Variants in NCKAP5 observed in about 807,000 individuals in gnomAD.
The protein encoded by NCKAP5 is nck-associated protein 5.
A neutral mutation model predicts 167.0 loss-of-function variants in NCKAP5; 92 were observed. That is an observed-to-expected ratio of 0.55 (90% CI 0.47 to 0.66). NCKAP5 has a LOEUF of 0.66. Ranked by LOEUF, NCKAP5 falls within the 30% of genes least tolerant of loss-of-function variation. The pLI is 0.00. For missense variants in NCKAP5, 2,378 were observed against 2,315.0 expected (o/e 1.03, Z -0.56); for synonymous variants, 891 against 877.4 (o/e 1.02, Z -0.27).
rs773722727 is a variant in NCKAP5 at position 132,785,372 on chromosome 2, T to C, written c.1439A>G (p.Asp480Gly). ...GAGCAATGCTAAGGTGGAAGGGTCA[T>C]CGTCCGCATCAACGTGGGAATCTAG... ...YDLDSHVDAD[D>G]DPSTLALLQA... is the part of the protein sequence containing the mutation. The change falls in exon 14 of 20, where the codon GAT becomes GGT. Residue 480 changes from aspartate to glycine, a missense_variant. Physicochemically the swap from Asp to Gly is moderately conservative, Grantham distance 94. This residue lies in a region of NCKAP5 where 1,049 missense variants were observed against 1,023.4 expected (regional missense o/e 1.02). Transcript: ENST00000409261. 2.5e-6 allele frequency: 4 copies of C among 1,614,026 alleles called. No homozygotes were observed. The highest frequency in any genetic ancestry group is 3.4e-6 in the Non-Finnish European group (4 of 1,179,904).
chr2:133,483,317 T>G (rs981731990), intron 3 of NCKAP5, among the ~76,000 whole-genome samples: 1 of 152,208 alleles, frequency 6.6e-6, no homozygotes, highest in Non-Finnish European at 1.5e-5. Context: ...GATGTGCAAG[T>G]CTATCTCACA....
chr2:133,479,840 G>C (rs1680264562), intron 3 of NCKAP5, among the ~76,000 whole-genome samples: 1 of 152,020 alleles, frequency 6.6e-6, no homozygotes, highest in African/African-American at 2.4e-5. Context: ...ATTAGAAAAA[G>C]ATATAAACTG....
chr2:132,977,949 A>T (rs979005729), intron 7 of NCKAP5, among the ~76,000 whole-genome samples: 4 of 152,202 alleles, frequency 2.6e-5, no homozygotes, highest in African/African-American at 9.6e-5. Context: ...TCTTTGTCAC[A>T]TAGTGGGATG....
intron 6 of NCKAP5, among the ~76,000 whole-genome samples, chr2:133,090,098 G>A (rs771518646): frequency 2.3e-4 from 35 of 151,922 alleles, no homozygotes; most frequent in African/African-American, 5.6e-4. Flanking sequence ...CCAGGTATGT[G>A]TCTCATGCCT....
At chr2:133,149,731 G>A (rs970950574) in intron 5 of NCKAP5, among the ~76,000 whole-genome samples, 1 of 151,978 alleles carries the variant, frequency 6.6e-6, no homozygotes, top group African/African-American at 2.4e-5. Flanking sequence ...CACTCAATAG[G>A]TATTGCCATT....
chr2:133,348,166 G>A (rs1046687049), intron 3 of NCKAP5, among the ~76,000 whole-genome samples: 15 of 152,084 alleles, frequency 9.9e-5, no homozygotes, highest in African/African-American at 2.4e-4. Context: ...AGTGTCTGCC[G>A]CTCAAGTTAG....
intron 5 of NCKAP5, 144 bp from the exon 6 acceptor site, chr2:133,130,255 T>A (rs1015531680): frequency 4.6e-5 from 41 of 882,022 alleles, no homozygotes; most frequent in Non-Finnish European, 4.1e-5. Flanking sequence ...CTATTCTTAA[T>A]CTCTTGTTAT....
intron 6 of NCKAP5, among the ~76,000 whole-genome samples, chr2:133,054,058 G>A (rs2079703772): frequency 6.6e-6 from 1 of 152,172 alleles, no homozygotes; most frequent in East Asian, 1.9e-4. Flanking sequence ...GTGTTTATCA[G>A]TATCAAGGAA....
chr2:132,687,731 A>G (rs1374341193), intron 19 of NCKAP5, among the ~76,000 whole-genome samples: 6 of 150,944 alleles, frequency 4.0e-5, no homozygotes, highest in Non-Finnish European at 7.4e-5. Context: ...ACACACACAC[A>G]CACACACACA....
At chr2:133,579,742 A>G in the NCKAP5 span, among the ~76,000 whole-genome samples, 3 of 152,230 alleles carry the variant, frequency 2.0e-5, no homozygotes, top group Admixed American at 1.3e-4. Context: ...CATCATCAAC[A>G]GGCTGCATCA....
intron 2 of NCKAP5, among the ~76,000 whole-genome samples, chr2:133,540,403 A>G (rs903617642): frequency 1.3e-5 from 2 of 152,206 alleles, no homozygotes; most frequent in African/African-American, 2.4e-5. Flanking sequence ...TTTACAGCAA[A>G]TAACTGTGAA....
chr2:132,817,149 C>G (rs1156922886), intron 11 of NCKAP5, among the ~76,000 whole-genome samples: 1 of 152,196 alleles, frequency 6.6e-6, no homozygotes, highest in South Asian at 2.1e-4. Context: ...TGCTGCTGGT[C>G]CACTGAGTGA....
chr2:133,601,410 G>A, the NCKAP5 span, among the ~76,000 whole-genome samples: 1 of 152,130 alleles, frequency 6.6e-6, no homozygotes, highest in Non-Finnish European at 1.5e-5. Flanking sequence ...TAGGCATTTG[G>A]AATACACTGG....
intron 16 of NCKAP5, among the ~76,000 whole-genome samples, chr2:132,754,285 T>G (rs1490130973): frequency 1.3e-5 from 2 of 152,214 alleles, no homozygotes; most frequent in African/African-American, 4.8e-5. Flanking sequence ...CTTGAATTTT[T>G]GTTACAGCAA....
In NCKAP5 at chr2:133,524,986, G is replaced by T. The variant is rs546455450; in HGVS notation, c.-61-7399C>A. ...AGTATATGAGTGTATGTGTGCATGT[G>T]TGTGTGTATTCACATGCACTCTGAC... On this transcript the variant is annotated intron_variant, in intron 2 of 19. Transcript: ENST00000409261. Among the ~76,000 whole-genome samples, 339 of 152,250 alleles carry T rather than the reference G, an allele frequency of 2.2e-3. 4 individuals carry two copies. The highest frequency in any genetic ancestry group is 3.9e-3 in the South Asian group (19 of 4,818).
rs562586408 is a variant in NCKAP5, at chr2:133,484,418, C to T, written c.69+33040G>A. On this transcript the variant is annotated intron_variant, in intron 3 of 19. Transcript: ENST00000409261. ...GAGCCACCTGGTGTTGCTCACAAGC[C>T]GGCATGTCCTGATTCCCAATGCAGG... Among the ~76,000 whole-genome samples, 5 of 152,270 alleles carry T rather than the reference C, an allele frequency of 3.3e-5. No homozygotes were observed. The East Asian group carries it at 7.7e-4, about 23-fold the overall frequency.
intron 7 of NCKAP5, among the ~76,000 whole-genome samples, chr2:132,974,923 G>A (rs143629237): frequency 2.2e-4 from 34 of 152,350 alleles, no homozygotes; most frequent in Non-Finnish European, 3.8e-4. Context: ...GAGGCCAGCC[G>A]TCTGGCTGAC....
intron 3 of NCKAP5, among the ~76,000 whole-genome samples, chr2:133,338,850 A>G (rs953562156): frequency 1.3e-5 from 2 of 151,968 alleles, no homozygotes; most frequent in Non-Finnish European, 2.9e-5. Flanking sequence ...TCTCCAAAAA[A>G]AACAAAAACA....
intron 8 of NCKAP5, among the ~76,000 whole-genome samples, chr2:132,907,660 T>A (rs1407909695): frequency 6.6e-6 from 1 of 152,088 alleles, no homozygotes; most frequent in Non-Finnish European, 1.5e-5. Flanking sequence ...GTAATCATTC[T>A]TTTTTCTTTT....
Sources: gnomAD v4.1 joint callset for allele counts (sites outside exome capture counted in the v4.1 genomes callset) on GRCh38, gnomAD v4.1.1 for gene constraint, gnomAD v4.1.1 regional missense constraint, MANE v1.5 for transcripts, NCBI Gene and HGNC (gene_info 2026-07-23, HGNC 2026-07-21) for gene names.